ZNF804B: variants seen among roughly 807,000 people sequenced by gnomAD.
ZNF804B encodes zinc finger protein 804B, also known as zinc finger 804B.
A neutral mutation model predicts 101.4 loss-of-function variants in ZNF804B; 80 were observed. The observed-to-expected ratio is 0.79, with a 90% CI of 0.66 to 0.95. The LOEUF (loss-of-function observed/expected upper bound fraction) is 0.95. Among genes scored for constraint, ZNF804B ranks in the 40% least tolerant of loss-of-function variants. The pLI is 0.00. For missense variants in ZNF804B, 1,673 were observed against 1,561.9 expected (o/e 1.07, Z -1.20); for synonymous variants, 622 against 558.8 (o/e 1.11, Z -1.59).
chr7:89,298,212 G>GTATATA (rs1486889255), intron 2 of ZNF804B, among the ~76,000 whole-genome samples: 2 of 65,278 alleles, frequency 3.1e-5, no homozygotes, highest in Non-Finnish European at 5.2e-5. Flanking sequence ...GTGTGTGTGT[G>GTATATA]TGTGTATATA....
chr7:88,829,498 C>G (rs963566800), intron 1 of ZNF804B, among the ~76,000 whole-genome samples: 9 of 152,060 alleles, frequency 5.9e-5, no homozygotes, highest in African/African-American at 2.2e-4. Flanking sequence ...TAAAGGGAAA[C>G]TGAGAAAAAT....
intron 1 of ZNF804B, among the ~76,000 whole-genome samples, chr7:88,808,376 T>A (rs1583949311): frequency 7.0e-6 from 1 of 141,932 alleles, no homozygotes; most frequent in East Asian, 2.1e-4. Flanking sequence ...GAGTGAGACA[T>A]CATCTCAAAA....
chr7:88,809,961 C>G (rs1474686278), intron 1 of ZNF804B, among the ~76,000 whole-genome samples: 2 of 152,178 alleles, frequency 1.3e-5, no homozygotes, highest in Non-Finnish European at 2.9e-5. Context: ...CAAGTTTCCA[C>G]TCCTTTATTG....
chr7:89,181,864 T>C (rs896958153), intron 1 of ZNF804B, among the ~76,000 whole-genome samples: 3 of 152,222 alleles, frequency 2.0e-5, no homozygotes, highest in African/African-American at 4.8e-5. Context: ...TGTTCCCTTA[T>C]TGTGTATAAT....
chr7:88,973,755 G>T lies in ZNF804B; in HGVS notation c.108+213671G>T, dbSNP rs9649117. Among the ~76,000 whole-genome samples, 572 of 151,356 alleles carry T rather than the reference G, an allele frequency of 3.8e-3. 1 individual carries two copies. The highest frequency in any genetic ancestry group is 5.7e-3 in the Non-Finnish European group (388 of 67,536). On this transcript the variant is annotated intron_variant, in intron 1 of 3. Coordinates refer to ENST00000333190, the MANE Select transcript of ZNF804B (RefSeq NM_181646.5). ...TCAGTGTTAAACTTAATAGTCAGTG[G>T]TTTCTTTTTGTGTCTAGCATTTTGC...
intron 1 of ZNF804B, among the ~76,000 whole-genome samples, chr7:89,174,821 T>C (rs2115562442): frequency 6.6e-6 from 1 of 152,208 alleles, no homozygotes; most frequent in African/African-American, 2.4e-5. Context: ...ATTTTAGTTT[T>C]GATTTGCATT....
At position 89,337,509 on chromosome 7, in the gene ZNF804B, A is replaced by C. The variant is rs1791119969; in HGVS notation, c.*477A>C. Among the ~76,000 whole-genome samples the C allele has an allele frequency of 6.6e-6, 1 of 152,298 alleles. No individual in the cohort carries two copies. The highest frequency in any genetic ancestry group is 1.5e-5 in the Non-Finnish European group (1 of 67,988). On this transcript the variant is annotated 3_prime_UTR_variant, in exon 4 of 4. Coordinates refer to ENST00000333190, the MANE Select transcript of ZNF804B (RefSeq NM_181646.5). The stretch of plus-strand genomic sequence containing the variant: ...AATTTATGTCGTTAACTATTGACTA[A>C]GTTTTCAATTAATGTAGTCTGTTAC...
chr7:89,234,802 C>G (rs1459653848), intron 2 of ZNF804B, among the ~76,000 whole-genome samples: 1 of 152,170 alleles, frequency 6.6e-6, no homozygotes, highest in Non-Finnish European at 1.5e-5. Flanking sequence ...CTCGGGTGTT[C>G]AGCCTCAGAC....
chr7:89,047,614 A>G (rs1378561032), intron 1 of ZNF804B, among the ~76,000 whole-genome samples: 3 of 152,186 alleles, frequency 2.0e-5, no homozygotes, highest in Non-Finnish European at 4.4e-5. Flanking sequence ...TAAATGTTCA[A>G]TAAGCTATGG....
rs190222840 is a variant in ZNF804B at position 88,906,710 on chromosome 7, G to A, written c.108+146626G>A. ...GCAGATGAAAATAATGTATATTCTG[G>A]TTGTTGGGTGGAGTGTTCTATAGGT... On this transcript the variant is annotated intron_variant, in intron 1 of 3. Transcript: ENST00000333190. Among the ~76,000 whole-genome samples the A allele has an allele frequency of 3.0e-4, 46 of 152,104 alleles. 1 individual carries two copies. The East Asian group carries it at 6.4e-3, about 21-fold the overall frequency.
intron 1 of ZNF804B, among the ~76,000 whole-genome samples, chr7:88,877,007 A>AATATATATATATATAATAT (rs1554342845): frequency 1.3e-5 from 1 of 75,214 alleles, no homozygotes; most frequent in African/African-American, 9.4e-5. Flanking sequence ...TGAAAAAAAA[A>AATATATATATATATAATAT]ATATATATAT....
intron 2 of ZNF804B, among the ~76,000 whole-genome samples, chr7:89,264,143 T>G (rs1482155540): frequency 6.6e-6 from 1 of 152,186 alleles, no homozygotes; most frequent in East Asian, 1.9e-4. Context: ...CAAAGTTACA[T>G]TTGTGTTAGG....
chr7:88,777,263 C>T (rs777389389), intron 1 of ZNF804B, among the ~76,000 whole-genome samples: 1 of 152,120 alleles, frequency 6.6e-6, no homozygotes, highest in Non-Finnish European at 1.5e-5. Flanking sequence ...ATTCTGCCAC[C>T]GCCAAAACTC....
intron 1 of ZNF804B, among the ~76,000 whole-genome samples, chr7:88,966,108 C>T (rs1793449850): frequency 6.6e-6 from 1 of 151,338 alleles, no homozygotes; most frequent in Non-Finnish European, 1.5e-5. Context: ...ATTGACTAAA[C>T]CATGCAGTAG....
chr7:89,327,453 A>G lies in ZNF804B; in HGVS notation c.359A>G (p.Glu120Gly). The change falls in exon 3 of 4, where the codon GAG becomes GGG. Residue 120 changes from glutamate (E) to glycine (G), a missense_variant. Physicochemically the swap from Glu to Gly is moderately conservative, Grantham distance 98 (BLOSUM62 -2). Transcript: ENST00000333190. ...KALKRLHQLA[E>G]LRQQSECVSG... ...CTTAAACGACTTCATCAGCTGGCTGAGTTAAGGCAGCAATCTGAATGGTAA... is the reference window on the plus strand; with the variant it reads ...CTTAAACGACTTCATCAGCTGGCTGGGTTAAGGCAGCAATCTGAATGGTAA... 1 of 1,611,028 alleles carries G rather than the reference A, an allele frequency of 6.2e-7. No homozygotes were observed. Among genetic ancestry groups the G allele is most frequent in the Non-Finnish European group, 8.5e-7 (1 of 1,178,362 alleles).
intron 1 of ZNF804B, among the ~76,000 whole-genome samples, chr7:89,028,703 T>A (rs1348908545): frequency 1.3e-5 from 2 of 152,140 alleles, no homozygotes; most frequent in African/African-American, 2.4e-5. Context: ...GTGCTGACCC[T>A]TTTACAGTGA....
chr7:89,214,767 C>T (rs1197513825), intron 1 of ZNF804B, among the ~76,000 whole-genome samples: 5 of 152,102 alleles, frequency 3.3e-5, no homozygotes, highest in South Asian at 2.1e-4. Context: ...AAACTGTAAA[C>T]TAATGAGTGT....
chr7:88,857,344 A>G (rs1791576942), intron 1 of ZNF804B, among the ~76,000 whole-genome samples: 1 of 152,200 alleles, frequency 6.6e-6, no homozygotes, highest in Non-Finnish European at 1.5e-5. Flanking sequence ...TGAAAAGCTC[A>G]ACGAAATTGA....
chr7:89,133,764 A>G (rs1430391123), intron 1 of ZNF804B, among the ~76,000 whole-genome samples: 1 of 152,108 alleles, frequency 6.6e-6, no homozygotes, highest in Admixed American at 6.6e-5. Context: ...AAAGGTTTCT[A>G]CAAGGAAAAT....
Sources: allele counts gnomAD v4.1 joint callset (sites outside exome capture counted in the v4.1 genomes callset), GRCh38; gene constraint gnomAD v4.1.1; transcripts MANE v1.5; gene names NCBI Gene and HGNC (gene_info 2026-07-23, HGNC 2026-07-21).